Variants in CELF2 observed in about 807,000 individuals in gnomAD.
CELF2 encodes the protein CUG triplet repeat RNA-binding protein 2.
In CELF2, 8 loss-of-function variants were observed where a neutral mutation model predicts 62.6. That is an observed-to-expected ratio of 0.13 (90% CI 0.07 to 0.23). CELF2 has a LOEUF of 0.23. CELF2 is among the 10% of genes least tolerant of loss of function. The pLI is 1.00. For missense variants in CELF2, 333 were observed against 671.0 expected, an observed-to-expected ratio of 0.50 and a Z score of 5.56; for synonymous variants, 258 against 250.0, an observed-to-expected ratio of 1.03 and a Z score of -0.30.
At chr10:10,703,916 C>T in the CELF2 span, among the ~76,000 whole-genome samples, 3 of 152,192 alleles carry the variant, frequency 2.0e-5, no homozygotes, top group South Asian at 6.2e-4. Context: ...CTAACTTATA[C>T]ACGATCTCTT....
intron 1 of CELF2, among the ~76,000 whole-genome samples, chr10:11,091,670 C>T (rs759462881): frequency 4.6e-5 from 7 of 152,164 alleles, no homozygotes; most frequent in Non-Finnish European, 8.8e-5. Context: ...TTTTCCCCTA[C>T]CAGCCTAGTA....
At chr10:10,603,627 G>T in the CELF2 span, among the ~76,000 whole-genome samples, 42,927 of 152,018 alleles carry the variant, frequency 0.28, 6,422 homozygotes, top group South Asian at 0.51. Context: ...AATATTTTAC[G>T]TTAAAAAATT....
chr10:11,009,191 A>G (rs1459317094), intron 1 of CELF2, among the ~76,000 whole-genome samples: 1 of 152,116 alleles, frequency 6.6e-6, no homozygotes, highest in African/African-American at 2.4e-5. Flanking sequence ...AGAGTGTCCA[A>G]GGAGGGACAG....
chr10:10,932,802 G>C (rs2066221483), intron 2 of CELF2, among the ~76,000 whole-genome samples: 1 of 152,032 alleles, frequency 6.6e-6, no homozygotes. Context: ...GAATATCATT[G>C]GAGGGAATAT....
At chr10:10,514,565 A>G in the CELF2 span, among the ~76,000 whole-genome samples, 4 of 152,216 alleles carry the variant, frequency 2.6e-5, no homozygotes, top group Non-Finnish European at 5.9e-5. Flanking sequence ...GAGGGCTTTG[A>G]GCCCTGGCCG....
chr10:10,852,791 C>T (rs534364470), intron 1 of CELF2, among the ~76,000 whole-genome samples: 1 of 152,146 alleles, frequency 6.6e-6, no homozygotes. Flanking sequence ...AAAAAGAAAA[C>T]TTTAAACACA....
the CELF2 span, among the ~76,000 whole-genome samples, chr10:10,513,446 A>G: frequency 6.6e-6 from 1 of 152,204 alleles, no homozygotes; most frequent in African/African-American, 2.4e-5. Context: ...AATGAAGGCT[A>G]TGAATCCATG....
chr10:11,201,874 A>AAG (rs2059296780), intron 2 of CELF2, among the ~76,000 whole-genome samples: 1 of 152,174 alleles, frequency 6.6e-6, no homozygotes, highest in Non-Finnish European at 1.5e-5. Context: ...AGAGGTGATT[A>AAG]GATTGTAGAA....
intron 2 of CELF2, among the ~76,000 whole-genome samples, chr10:10,945,859 A>G (rs2047611384): frequency 6.6e-6 from 1 of 152,210 alleles, no homozygotes; most frequent in Non-Finnish European, 1.5e-5. Context: ...CTGGGTTATT[A>G]TGGGATGTTA....
At chr10:10,770,361 G>A in the CELF2 span, among the ~76,000 whole-genome samples, 2 of 151,960 alleles carry the variant, frequency 1.3e-5, no homozygotes, top group African/African-American at 2.4e-5. Flanking sequence ...CAAACAGCCA[G>A]CAAGCAGGAG....
At chr10:10,932,158 G>T (rs757938912) in intron 2 of CELF2, among the ~76,000 whole-genome samples, 1 of 152,076 alleles carries the variant, frequency 6.6e-6, no homozygotes, top group Admixed American at 6.6e-5. Context: ...TCCTATGGGG[G>T]ATACAAGGTA....
intron 2 of CELF2, among the ~76,000 whole-genome samples, chr10:11,198,690 A>G (rs2058539712): frequency 6.6e-6 from 1 of 152,244 alleles, no homozygotes; most frequent in African/African-American, 2.4e-5. Flanking sequence ...CTATTGAAGG[A>G]GACCCAGAAG....
chr10:10,803,219 G>A (rs747496096), intron 1 of CELF2, among the ~76,000 whole-genome samples: 13 of 152,100 alleles, frequency 8.5e-5, no homozygotes, highest in Non-Finnish European at 1.3e-4. Context: ...CATTACAAAC[G>A]CCATAAATCA....
At chr10:11,179,391 T>C (rs2072454558) in intron 2 of CELF2, among the ~76,000 whole-genome samples, 1 of 152,246 alleles carries the variant, frequency 6.6e-6, no homozygotes, top group Non-Finnish European at 1.5e-5. Flanking sequence ...CCTTTGAGTT[T>C]ACATCGCTTG....
the CELF2 span, among the ~76,000 whole-genome samples, chr10:10,698,306 A>G: frequency 3.3e-5 from 5 of 152,206 alleles, no homozygotes; most frequent in African/African-American, 4.8e-5. Flanking sequence ...CCCATAAATC[A>G]GGTGGCTCCT....
At chr10:11,176,619 C>A (rs927389911) in intron 2 of CELF2, among the ~76,000 whole-genome samples, 1 of 152,084 alleles carries the variant, frequency 6.6e-6, no homozygotes, top group Admixed American at 6.5e-5. Flanking sequence ...CCTAGGACAG[C>A]GCCTGGCATA....
the CELF2 span, among the ~76,000 whole-genome samples, chr10:10,659,899 C>T: frequency 6.6e-6 from 1 of 152,162 alleles, no homozygotes; most frequent in Non-Finnish European, 1.5e-5. Context: ...TATCCAGATG[C>T]CCTCAAGGTG....
the CELF2 span, among the ~76,000 whole-genome samples, chr10:10,561,787 C>T: frequency 6.6e-6 from 1 of 152,144 alleles, no homozygotes; most frequent in African/African-American, 2.4e-5. Flanking sequence ...TGCCCAGGAC[C>T]CTTCCTGGCT....
chr10:10,964,657 A>G (rs2049922680), intron 2 of CELF2, among the ~76,000 whole-genome samples: 2 of 152,208 alleles, frequency 1.3e-5, no homozygotes, highest in Admixed American at 1.3e-4. Context: ...TTTCAGATAC[A>G]TCTACAGAAA....
Sources: gnomAD v4.1 joint callset for allele counts (sites outside exome capture counted in the v4.1 genomes callset) on GRCh38, gnomAD v4.1.1 for gene constraint, MANE v1.5 for transcripts, NCBI Gene and HGNC (gene_info 2026-07-23, HGNC 2026-07-21) for gene names.